Variants in ARHGEF1 observed in about 807,000 individuals in gnomAD.
The protein encoded by ARHGEF1 is 115 kDa guanine nucleotide exchange factor.
In ARHGEF1, 40 loss-of-function variants were observed where a neutral mutation model predicts 119.7. The ratio of observed to expected loss-of-function variants is 0.33; its 90% CI spans 0.26 to 0.44. The LOEUF (loss-of-function observed/expected upper bound fraction) is 0.44, where lower values mean the gene tolerates loss of function less well. Ranked by LOEUF, ARHGEF1 falls within the 20% of genes least tolerant of loss-of-function variation. ARHGEF1 has a pLI of 1.00. For synonymous variants in ARHGEF1, 494 were observed against 521.0 expected, an observed-to-expected ratio of 0.95 and a Z score of 0.71; for missense variants, 976 against 1,268.3, an observed-to-expected ratio of 0.77 and a Z score of 3.50.
chr19:41,898,078 C>T (rs904967013), intron 13 of ARHGEF1: 6 of 1,357,686 alleles, frequency 4.4e-6, no homozygotes, highest in Admixed American at 3.6e-5. Flanking sequence ...ACCCCAGTTC[C>T]GCCACGGCAG....
intron 14 of ARHGEF1, among the ~76,000 whole-genome samples, chr19:41,900,100 G>A (rs868907571): frequency 1.3e-5 from 2 of 152,230 alleles, no homozygotes; most frequent in African/African-American, 2.4e-5. Flanking sequence ...TTGGGAAGCC[G>A]AGGTGGGCAG....
chr19:41,913,224 C>G (rs2074764631), intron 18 of ARHGEF1, among the ~76,000 whole-genome samples: 2 of 151,888 alleles, frequency 1.3e-5, no homozygotes, highest in Non-Finnish European at 2.9e-5. Context: ...TCCCCGCTCC[C>G]CGCCACTCGC....
chr19:41,923,551 T>G, intron 1 of ARHGEF1, among the ~76,000 whole-genome samples: 2 of 141,260 alleles, frequency 1.4e-5, no homozygotes, highest in Non-Finnish European at 1.5e-5. Flanking sequence ...CAGGCAGACA[T>G]GGACAGGGAC....
At chr19:41,927,993 A>ATCCCCGCCCCC (rs1198238577) in intron 1 of ARHGEF1, 12 of 151,508 alleles carry the variant, frequency 7.9e-5, no homozygotes, top group South Asian at 2.1e-4. Context: ...TGGGGCGGGA[A>ATCCCCGCCCCC]TCCCCGCCCC....
At position 41,892,878 on chromosome 19, in the gene ARHGEF1, C is replaced by T. The variant is rs782538852; in HGVS notation, c.614+29C>T. On this transcript the variant is annotated intron_variant, in intron 7 of 28. Coordinates refer to ENST00000354532, the MANE Select transcript of ARHGEF1 (RefSeq NM_004706.4). The surrounding 1 kb of genome is among the most constrained non-coding windows in gnomAD (Gnocchi z 6.3). ...AGTAGGCCAGCCCTGGTGGGAGCGT[C>T]GCCCCTCCCCAGCACAAGGGCACCC... 4.8e-5 allele frequency: 70 copies of T among 1,466,102 alleles called. No homozygotes were observed. The highest frequency in any genetic ancestry group is 5.6e-5 in the Non-Finnish European group (62 of 1,108,690). The allele number at this position is 1,466,102 out of a possible 1,614,324, so 90.8% of individuals were successfully genotyped here.
chr19:41,919,075 C>T (rs2074821818), upstream of ARHGEF1, among the ~76,000 whole-genome samples: 1 of 151,488 alleles, frequency 6.6e-6, no homozygotes, highest in Non-Finnish European at 1.5e-5. Flanking sequence ...CACACCCACA[C>T]ACATTACACC....
intron 1 of ARHGEF1, chr19:41,923,276 A>G (rs1555852825): frequency 2.3e-6 from 1 of 433,072 alleles, no homozygotes; most frequent in South Asian, 1.7e-5. Flanking sequence ...CTGTCAGAGG[A>G]CAGAGCAAGG....
chr19:41,918,451 A>G (rs2074816171), upstream of ARHGEF1, among the ~76,000 whole-genome samples: 1 of 145,524 alleles, frequency 6.9e-6, no homozygotes, highest in Admixed American at 6.8e-5. Context: ...TACACCACAC[A>G]TGCACCACCT....
chr19:41,908,170 G>A (rs1243664821), downstream of ARHGEF1: 6 of 1,213,254 alleles, frequency 4.9e-6, no homozygotes, highest in African/African-American at 1.6e-5. This position sits in a 1 kb window ranked among gnomAD's most constrained non-coding sequence, Gnocchi z 6.7. Flanking sequence ...AGGCATCAAG[G>A]GCAGACGGGC....
At position 41,903,936 on chromosome 19, in the gene ARHGEF1, C is replaced by T. The variant is rs1179136750; in HGVS notation, c.1918-99C>T. 5.0e-6 allele frequency: 7 copies of T among 1,392,388 alleles called. No homozygotes were observed. The Admixed American group carries it at 1.3e-4, about 25-fold the overall frequency. The allele number at this position is 1,392,388 out of a possible 1,614,324, so 86.3% of individuals were successfully genotyped here. On this transcript the variant is annotated intron_variant, in intron 20 of 28. Coordinates refer to ENST00000354532, the MANE Select transcript of ARHGEF1 (RefSeq NM_004706.4). This position sits in a 1 kb window ranked among gnomAD's most constrained non-coding sequence, Gnocchi z 4.2. ...CTCATGCCAATCCCATGATCCCCAGCCTGTGGTCATCCCCGGCCACTGCCC... is the reference window on the plus strand; with the variant it reads ...CTCATGCCAATCCCATGATCCCCAGTCTGTGGTCATCCCCGGCCACTGCCC...
Position 41,912,854 on chromosome 19 carries a change from G to A in ARHGEF1, c.1865+6051G>A, listed in dbSNP as rs901548125. On this transcript the variant is annotated intron_variant, in intron 18 of 20. Transcript: ENST00000599589. ...GTGGGGGAGGTCCGGGCCAGTTACCGGGGGTCCAGAGAGCCGGCAGGGCGG... is the reference window on the plus strand; with the variant it reads ...GTGGGGGAGGTCCGGGCCAGTTACCAGGGGTCCAGAGAGCCGGCAGGGCGG... 46 of 1,220,210 alleles carry A rather than the reference G, an allele frequency of 3.8e-5. No homozygotes were observed. The African/African-American group carries it at 5.3e-4, about 14-fold the overall frequency. 75.6% of individuals were successfully genotyped at this position (1,220,210 alleles called of 1,614,324 possible).
At chr19:41,912,978 G>C (rs1555851390) in intron 18 of ARHGEF1, 2 of 911,700 alleles carry the variant, frequency 2.2e-6, no homozygotes, top group East Asian at 6.6e-5. Flanking sequence ...GGGCAGGAGA[G>C]ACAGACACAG....
In ARHGEF1 at chr19:41,902,687, C is replaced by T. The variant is rs1555849291; in HGVS notation, c.1623+29C>T. 4 of 1,613,646 alleles carry T rather than the reference C, an allele frequency of 2.5e-6. No individual in the cohort carries two copies. The highest frequency in any genetic ancestry group is 1.3e-5 in the African/African-American group (1 of 74,908). Reference sequence around the variant, plus strand: ...AGGTGGGGTCTGGACTCCAGCTTCCCAGGGAGGAGGGGCCTGGAGACCCAG... The same window carrying T: ...AGGTGGGGTCTGGACTCCAGCTTCCTAGGGAGGAGGGGCCTGGAGACCCAG... On this transcript the variant is annotated intron_variant, in intron 17 of 28. Coordinates refer to ENST00000354532, the MANE Select transcript of ARHGEF1 (RefSeq NM_004706.4). The surrounding 1 kb of genome is among the most constrained non-coding windows in gnomAD (Gnocchi z 6.5).
chr19:41,902,936 C>T lies in ARHGEF1; in HGVS notation c.1738+38C>T, dbSNP rs79160447. The T allele has an allele frequency of 4.7e-6, 6 of 1,267,876 alleles. No individual in the cohort carries two copies. The highest frequency in any genetic ancestry group is 4.5e-5 in the South Asian group (3 of 67,224). The allele number at this position is 1,267,876 out of a possible 1,614,324, so 78.5% of individuals were successfully genotyped here. Reference sequence around the variant, plus strand: ...TGGATCTCTGGGCCTCGGCTCTCCTCTTTTTTTTTTACATTTTTTTTCTCA... The same window carrying T: ...TGGATCTCTGGGCCTCGGCTCTCCTTTTTTTTTTTTACATTTTTTTTCTCA... On this transcript the variant is annotated intron_variant, in intron 18 of 28. Coordinates refer to ENST00000354532, the MANE Select transcript of ARHGEF1 (RefSeq NM_004706.4). The surrounding 1 kb of genome is among the most constrained non-coding windows in gnomAD (Gnocchi z 6.5).
intron 12 of ARHGEF1, 95 bp downstream of exon 12, chr19:41,895,581 C>G: frequency 7.5e-7 from 1 of 1,327,630 alleles, no homozygotes; most frequent in South Asian, 1.4e-5. Flanking sequence ...AAGCCATTCC[C>G]CAGCAACACC....
intron 7 of ARHGEF1, 96 bp from the exon 8 acceptor site, chr19:41,893,177 CT>C: frequency 6.6e-7 from 1 of 1,520,618 alleles, no homozygotes; most frequent in Non-Finnish European, 9.0e-7. Flanking sequence ...TCTCTTCCCC[CT>C]GCCTATCCCA....
chr19:41,888,009 C>T lies in ARHGEF1; in HGVS notation c.-19-55C>T. ...CCTGGGCCAGGAATCTGTGAGTAAC[C>T]ACCCTGGGCCGCCTCCTCCCACCCT... On this transcript the variant is annotated intron_variant, in intron 1 of 28. Transcript: ENST00000354532. This position sits in a 1 kb window ranked among gnomAD's most constrained non-coding sequence, Gnocchi z 5.1. 1 of 1,568,566 alleles carries T rather than the reference C, an allele frequency of 6.4e-7. No individual in the cohort carries two copies. Among genetic ancestry groups the T allele is most frequent in the Non-Finnish European group, 8.6e-7 (1 of 1,157,702 alleles).
At position 41,906,076 on chromosome 19, in the gene ARHGEF1, T is replaced by C. The variant is rs781947968; in HGVS notation, c.2491+51T>C. 5 of 1,523,172 alleles carry C rather than the reference T, an allele frequency of 3.3e-6. No homozygotes were observed. The highest frequency in any genetic ancestry group is 4.5e-6 in the Non-Finnish European group (5 of 1,100,638). The allele number at this position is 1,523,172 out of a possible 1,614,324, so 94.4% of individuals were successfully genotyped here. ...TGGCCACCAGCCCAAACAGTGCCTC[T>C]GTTCCAACTAGAACAAGGCTCTCCA... On this transcript the variant is annotated intron_variant, in intron 26 of 28. Coordinates refer to ENST00000354532, the MANE Select transcript of ARHGEF1 (RefSeq NM_004706.4). The surrounding 1 kb of genome is among the most constrained non-coding windows in gnomAD (Gnocchi z 4.5).
Position 41,902,922 on chromosome 19 carries a change from G to C in ARHGEF1, c.1738+24G>C. 1 of 1,537,702 alleles carries C rather than the reference G, an allele frequency of 6.5e-7. No homozygotes were observed. Among genetic ancestry groups the C allele is most frequent in the Non-Finnish European group, 8.8e-7 (1 of 1,138,668 alleles). ...AGGTACCGCGGGCCTGGATCTCTGGGCCTCGGCTCTCCTCTTTTTTTTTTA... is the reference window on the plus strand; with the variant it reads ...AGGTACCGCGGGCCTGGATCTCTGGCCCTCGGCTCTCCTCTTTTTTTTTTA... On this transcript the variant is annotated intron_variant, in intron 18 of 28. Transcript: ENST00000354532. The surrounding 1 kb of genome is among the most constrained non-coding windows in gnomAD (Gnocchi z 6.5).
Sources: gnomAD v4.1 joint callset for allele counts (sites outside exome capture counted in the v4.1 genomes callset) on GRCh38, gnomAD v4.1.1 for gene constraint, Gnocchi (gnomAD v3.1) non-coding constraint, MANE v1.5 for transcripts, NCBI Gene and HGNC (gene_info 2026-07-23, HGNC 2026-07-21) for gene names.